The following SGSM3 variants were observed in gnomAD, a reference collection of about 807,000 sequenced individuals.
SGSM3 encodes the protein RUN and SH3 containing 3.
A neutral mutation model predicts 100.5 loss-of-function variants in SGSM3; 96 were observed. The ratio of observed to expected loss-of-function variants is 0.96; its 90% CI spans 0.81 to 1.13. The LOEUF (loss-of-function observed/expected upper bound fraction) is 1.13, where lower values mean the gene tolerates loss of function less well. Ranked by LOEUF, SGSM3 falls within the 50% of genes most tolerant of loss-of-function variation. The pLI is 0.00. For synonymous variants in SGSM3, 483 were observed against 422.8 expected (o/e 1.14, Z -1.75); for missense variants, 1,001 against 1,015.8 (o/e 0.99, Z 0.20).
rs1205653349 is a variant in SGSM3 at position 40,409,872 on chromosome 22, A to G, written c.*113A>G. Reference sequence around the variant, plus strand: ...GCCCTGGCCGGGGCCGCGGGATATCAATATCAGGCTGCCCCACTCCACGTT... The same window carrying G: ...GCCCTGGCCGGGGCCGCGGGATATCGATATCAGGCTGCCCCACTCCACGTT... On this transcript the variant is annotated 3_prime_UTR_variant, in exon 22 of 22. Transcript: ENST00000248929. 6.2e-6 allele frequency: 9 copies of G among 1,458,492 alleles called. No homozygotes were observed. The highest frequency in any genetic ancestry group is 1.4e-5 in the African/African-American group (1 of 70,410). 90.3% of individuals were successfully genotyped at this position (1,458,492 alleles called of 1,614,324 possible).
Position 40,408,415 on chromosome 22 carries a change from C to T in SGSM3, c.1768C>T (p.Leu590=), listed in dbSNP as rs1602133624. Residue 590 remains leucine (L), a synonymous_variant, in exon 16 of 22, where the codon CTG becomes TTG. Coordinates refer to ENST00000248929, the MANE Select transcript of SGSM3 (RefSeq NM_015705.6). ...GCTTGGGGGCGCCTGCCACCCCTGG[C>T]TGTTTATCGAGGAGGTAAGTCAGTG... ...SLLGGACHPW[L]FIEEAAGREV... 1.2e-6 allele frequency: 2 copies of T among 1,613,498 alleles called. No homozygotes were observed. The highest frequency in any genetic ancestry group is 1.3e-5 in the African/African-American group (1 of 75,032).
At chr22:40,405,917 G>A in intron 8 of SGSM3, 73 bp downstream of exon 8, 1 of 1,507,382 alleles carries the variant, frequency 6.6e-7, no homozygotes, top group Non-Finnish European at 9.0e-7. Flanking sequence ...AGTGGGGATA[G>A]GGCACAGCCC....
chr22:40,379,640 T>A (rs989425725), intron 1 of SGSM3, among the ~76,000 whole-genome samples: 1 of 152,236 alleles, frequency 6.6e-6, no homozygotes, highest in Non-Finnish European at 1.5e-5. Flanking sequence ...ATCTTCCTCC[T>A]TCATGAAGGC....
intron 4 of SGSM3, among the ~76,000 whole-genome samples, chr22:40,403,293 T>TCTG (rs746324460): frequency 1.6e-4 from 25 of 152,356 alleles, no homozygotes; most frequent in Non-Finnish European, 2.9e-4. Context: ...GACGAGGCTG[T>TCTG]CTGTGGAGCT....
chr22:40,379,178 A>G (rs1278051296), intron 1 of SGSM3, among the ~76,000 whole-genome samples: 1 of 152,078 alleles, frequency 6.6e-6, no homozygotes, highest in Non-Finnish European at 1.5e-5. Context: ...CAAAGAAGGG[A>G]TTTCTATCTA....
chr22:40,404,800 G>A, intron 6 of SGSM3, 136 bp downstream of exon 6: 1 of 685,876 alleles, frequency 1.5e-6, no homozygotes, highest in Non-Finnish European at 2.5e-6. Context: ...TTGGTCCTCT[G>A]CAGGCCAAAG....
rs184363559 is a variant in SGSM3, at chr22:40,391,436, G to A, written c.-111-9260G>A. Among the ~76,000 whole-genome samples, 402 of 152,172 alleles carry A rather than the reference G, an allele frequency of 2.6e-3. 1 individual carries two copies. Among genetic ancestry groups the A allele is most frequent in the South Asian group, 4.4e-3 (21 of 4,822 alleles). On this transcript the variant is annotated intron_variant, in intron 1 of 21. Transcript: ENST00000248929. The stretch of plus-strand genomic sequence containing the variant: ...CAGCCTAGGCAACATAGTGAGACCC[G>A]GTCTCTACAAAAAAATAAAAGAAAA...
chr22:40,409,915 TG>T lies in SGSM3; in HGVS notation c.*158del. 7.1e-7 allele frequency: 1 copy of T among 1,414,708 alleles called. No individual in the cohort carries two copies. The highest frequency in any genetic ancestry group is 9.2e-7 in the Non-Finnish European group (1 of 1,090,424). The allele number at this position is 1,414,708 out of a possible 1,614,324, so 87.6% of individuals were successfully genotyped here. On this transcript the variant is annotated 3_prime_UTR_variant, in exon 22 of 22. Coordinates refer to ENST00000248929, the MANE Select transcript of SGSM3 (RefSeq NM_015705.6). ...TCCACGTTCCCCAGCACATCCCAGG[TG>T]GTGGGAGCAGAGGGTACCCTGCCCC...
chr22:40,388,892 T>G (rs2048892452), intron 1 of SGSM3, among the ~76,000 whole-genome samples: 1 of 152,122 alleles, frequency 6.6e-6, no homozygotes, highest in East Asian at 1.9e-4. Flanking sequence ...ACGGGACCAC[T>G]GAAGGGGAGG....
chr22:40,389,600 G>GA (rs71326802), intron 1 of SGSM3, among the ~76,000 whole-genome samples: 1,703 of 33,534 alleles, frequency 0.051, 67 homozygotes, highest in Non-Finnish European at 0.06. Flanking sequence ...CTCCGTCTCA[G>GA]AAAAAAAAAA....
chr22:40,403,120 C>T (rs1340289107), intron 4 of SGSM3, among the ~76,000 whole-genome samples: 1 of 152,246 alleles, frequency 6.6e-6, no homozygotes, highest in Non-Finnish European at 1.5e-5. Context: ...AGAGTGTTCA[C>T]TGTTACACCT....
chr22:40,397,968 CT>C (rs1157147821), intron 1 of SGSM3, among the ~76,000 whole-genome samples: 4,509 of 116,342 alleles, frequency 0.039, 13 homozygotes, highest in Non-Finnish European at 0.057. Flanking sequence ...CCAATTCTGT[CT>C]TTTTTTTTTT....
intron 1 of SGSM3, among the ~76,000 whole-genome samples, 153 bp downstream of exon 1, chr22:40,370,841 C>T (rs981910043): frequency 1.3e-5 from 2 of 152,134 alleles, no homozygotes; most frequent in African/African-American, 4.8e-5. Flanking sequence ...GCCGGAGAGC[C>T]GCCGGGCCGA....
At chr22:40,383,383 C>T (rs372792013) in intron 1 of SGSM3, among the ~76,000 whole-genome samples, 1 of 150,828 alleles carries the variant, frequency 6.6e-6, no homozygotes, top group Non-Finnish European at 1.5e-5. Flanking sequence ...AGGAGAATGG[C>T]GTGAACCTGG....
Position 40,405,051 on chromosome 22 carries a change from A to G in SGSM3, c.475-90A>G, listed in dbSNP as rs2051275506. The G allele has an allele frequency of 3.5e-6, 5 of 1,431,514 alleles. No homozygotes were observed. In the East Asian group the frequency reaches 1.3e-4, roughly 36 times the overall value. 88.7% of individuals were successfully genotyped at this position (1,431,514 alleles called of 1,614,324 possible). A position where few individuals can be genotyped will look rare whatever the true frequency, so the allele number is the denominator to read the frequency against. ...TTGATCAGGAACACAAGGAATCCCC[A>G]TTTCTGGGGGAGAAGCCCGCCTGGG... On this transcript the variant is annotated intron_variant, in intron 6 of 21. Coordinates refer to ENST00000248929, the MANE Select transcript of SGSM3 (RefSeq NM_015705.6).
In SGSM3 at chr22:40,410,015, A is replaced by G. The variant is rs2052386360; in HGVS notation, c.*256A>G. The G allele has an allele frequency of 3.8e-6, 5 of 1,329,560 alleles. No homozygotes were observed. Among genetic ancestry groups the G allele is most frequent in the South Asian group, 2.2e-5 (1 of 46,332 alleles). The allele number at this position is 1,329,560 out of a possible 1,614,324, so 82.4% of individuals were successfully genotyped here. A position where few individuals can be genotyped will look rare whatever the true frequency, so the allele number is the denominator to read the frequency against. On this transcript the variant is annotated 3_prime_UTR_variant, in exon 22 of 22. Coordinates refer to ENST00000248929, the MANE Select transcript of SGSM3 (RefSeq NM_015705.6). The stretch of plus-strand genomic sequence containing the variant: ...AACCTTGTGAGGAGGTGGGGGAGCC[A>G]TGTCTGTGCTCAGGAAGAGGGAAGG...
chr22:40,381,996 T>G (rs2047651365), intron 1 of SGSM3, among the ~76,000 whole-genome samples: 1 of 152,170 alleles, frequency 6.6e-6, no homozygotes, highest in South Asian at 2.1e-4. Context: ...AGATTTGTCT[T>G]TCTATCAGAT....
At position 40,398,653 on chromosome 22, in the gene SGSM3, G is replaced by A. The variant is rs181976297; in HGVS notation, c.-111-2043G>A. ...GTCATTTTTCTAGGCTGTAATGGAT[G>A]AATATCGGCAATTTAATATGGTTCA... On this transcript the variant is annotated intron_variant, in intron 1 of 21. Coordinates refer to ENST00000248929, the MANE Select transcript of SGSM3 (RefSeq NM_015705.6). Among the ~76,000 whole-genome samples the A allele has an allele frequency of 3.7e-4, 52 of 141,500 alleles. 5 individuals carry two copies. Among genetic ancestry groups the A allele is most frequent in the African/African-American group, 1.2e-3 (48 of 38,508 alleles). 92.8% of individuals were successfully genotyped at this position (141,500 alleles called of 152,430 possible).
intron 1 of SGSM3, among the ~76,000 whole-genome samples, chr22:40,396,005 G>A (rs1601956901): frequency 2.0e-5 from 3 of 152,128 alleles, no homozygotes; most frequent in Non-Finnish European, 4.4e-5. Context: ...AGGCGCCAAG[G>A]AGAAAAACCA....
Sources: allele counts gnomAD v4.1 joint callset (sites outside exome capture counted in the v4.1 genomes callset), GRCh38; gene constraint gnomAD v4.1.1; transcripts MANE v1.5; gene names NCBI Gene and HGNC (gene_info 2026-07-23, HGNC 2026-07-21).